The following ABCC8 variants were observed in gnomAD, a reference collection of about 807,000 sequenced individuals.
ABCC8 encodes ATP-binding cassette sub-family C member 8.
ABCC8 carries 137 observed loss-of-function variants against 188.0 expected under a neutral mutation model. The observed-to-expected ratio is 0.73, with a 90% CI of 0.63 to 0.84. The LOEUF is 0.84. Ranked by LOEUF, ABCC8 falls within the 40% of genes least tolerant of loss-of-function variation. ABCC8 has a pLI of 0.00. For synonymous variants in ABCC8, 797 were observed against 846.5 expected (o/e 0.94, Z 1.01); for missense variants, 1,750 against 2,072.7 (o/e 0.84, Z 3.02).
chr11:17,467,681 G>C (rs1848248352), intron 3 of ABCC8, among the ~76,000 whole-genome samples: 1 of 152,158 alleles, frequency 6.6e-6, no homozygotes, highest in Non-Finnish European at 1.5e-5. Context: ...CTTTCTGTGG[G>C]ACTCCATACC....
chr11:17,474,846 G>A, intron 2 of ABCC8, 40 bp downstream of exon 2: 1 of 1,603,798 alleles, frequency 6.2e-7, no homozygotes, highest in Non-Finnish European at 8.5e-7. Context: ...AAGTACCCTG[G>A]AGCAGATTCA....
chr11:17,454,137 G>C (rs924416312), intron 6 of ABCC8, among the ~76,000 whole-genome samples: 1 of 152,142 alleles, frequency 6.6e-6, no homozygotes, highest in Non-Finnish European at 1.5e-5. Flanking sequence ...GGGTGTGGGA[G>C]CTGCTGCAGG....
rs764067373 is a variant in ABCC8 at position 17,435,984 on chromosome 11, C to T, written c.1631-3740G>A. 2.5e-4 allele frequency: 392 copies of T among 1,575,906 alleles called. 1 individual carries two copies. Among genetic ancestry groups the T allele is most frequent in the Non-Finnish European group, 3.2e-4 (366 of 1,147,428 alleles). On this transcript the variant is annotated intron_variant, in intron 10 of 38. Transcript: ENST00000389817. The stretch of plus-strand genomic sequence containing the variant: ...CAGTGCCACGGTGGCAGATGGACAT[C>T]GCCATGGGAAGAGACCAACTGTAGA...
At chr11:17,414,025 C>G (rs1442024045) in intron 19 of ABCC8, among the ~76,000 whole-genome samples, 5 of 152,186 alleles carry the variant, frequency 3.3e-5, no homozygotes, top group Non-Finnish European at 7.3e-5. Flanking sequence ...GCCTTGGGAC[C>G]TTTCTGAAAC....
Position 17,394,433 on chromosome 11 carries a change from A to G in ABCC8, c.4412-34T>C, listed in dbSNP as rs757081558. The stretch of plus-strand genomic sequence containing the variant: ...AGCCCGGGGAGATGAAGTAGGACTG[A>G]GTTAATCTTGTGCTGTGAGTGGAGC... On this transcript the variant is annotated intron_variant, in intron 36 of 38. Coordinates refer to ENST00000389817, the MANE Select transcript of ABCC8 (RefSeq NM_000352.6). 9.3e-6 allele frequency: 15 copies of G among 1,613,866 alleles called. No individual in the cohort carries two copies. In the Admixed American group the frequency reaches 1.8e-4, roughly 20 times the overall value.
chr11:17,462,912 G>A (rs953311699), intron 4 of ABCC8, among the ~76,000 whole-genome samples: 6 of 152,238 alleles, frequency 3.9e-5, no homozygotes, highest in African/African-American at 1.4e-4. Flanking sequence ...GACACATATG[G>A]TATTATACTA....
chr11:17,461,519 G>A, intron 5 of ABCC8, 64 bp downstream of exon 5: 8 of 1,601,416 alleles, frequency 5.0e-6, no homozygotes, highest in Non-Finnish European at 6.0e-6. Flanking sequence ...GCCCTTTGAG[G>A]TCCCTCTCTG....
chr11:17,395,398 G>C lies in ABCC8; in HGVS notation c.4308-123C>G, dbSNP rs1419691301. 3 of 1,527,994 alleles carry C rather than the reference G, an allele frequency of 2.0e-6. No homozygotes were observed. The Admixed American group carries it at 5.9e-5, about 30-fold the overall frequency. 94.7% of individuals were successfully genotyped at this position (1,527,994 alleles called of 1,614,324 possible). ...GAGGTCTGGCTGGGAGAAGCACCGA[G>C]GTGGTGGCAGTGGGTGGGGGACAGC... On this transcript the variant is annotated intron_variant, in intron 35 of 38. Transcript: ENST00000389817.
chr11:17,470,234 G>A lies in ABCC8; in HGVS notation c.291-12C>T, dbSNP rs1412293204. ...GGGATTCGGTCACCCTGAGATGGGAGAGAGAAACAGACAGGATGGGGACAT... is the reference window on the plus strand; with the variant it reads ...GGGATTCGGTCACCCTGAGATGGGAAAGAGAAACAGACAGGATGGGGACAT... On this transcript the variant is annotated splice_polypyrimidine_tract_variant and intron_variant, in intron 2 of 38. Transcript: ENST00000389817. The A allele has an allele frequency of 3.1e-6, 5 of 1,614,082 alleles. No homozygotes were observed. Among genetic ancestry groups the A allele is most frequent in the Admixed American group, 1.7e-5 (1 of 60,026 alleles).
rs151203959 is a variant in ABCC8 at position 17,404,583 on chromosome 11, C to A, written c.3486G>T (p.Val1162=). ...CCAGGGGCAAGAGGGCCACGAGGAA[C>A]ACAGGTGTGACATAGGAGATGACGG... ...ALAVISYVTP[V]FLVALLPLAI... Residue 1162 remains valine (V), a synonymous_variant, in exon 28 of 39, where the codon GTG becomes GTT. Coordinates refer to ENST00000389817, the MANE Select transcript of ABCC8 (RefSeq NM_000352.6). The surrounding 1 kb of genome is among the most constrained non-coding windows in gnomAD (Gnocchi z 4.7). 2 of 1,613,942 alleles carry A rather than the reference C, an allele frequency of 1.2e-6. No homozygotes were observed. The highest frequency in any genetic ancestry group is 2.7e-5 in the African/African-American group (2 of 74,868).
chr11:17,405,724 T>C, intron 26 of ABCC8, 161 bp from the exon 27 acceptor site: 1 of 902,902 alleles, frequency 1.1e-6, no homozygotes, highest in Non-Finnish European at 1.3e-6. Flanking sequence ...CCCCGTGAAT[T>C]CCTGCAGCTG....
chr11:17,427,896 A>G lies in ABCC8; in HGVS notation c.2087T>C (p.Leu696Pro). 6.8e-6 allele frequency: 11 copies of G among 1,614,088 alleles called. No homozygotes were observed. The highest frequency in any genetic ancestry group is 9.3e-6 in the Non-Finnish European group (11 of 1,179,986). Residue 696 changes from leucine to proline, a missense_variant, in exon 15 of 39, where the codon CTG (leucine) becomes CCG (proline). Leu to Pro is a moderately conservative substitution (Grantham distance 98). Coordinates refer to ENST00000389817, the MANE Select transcript of ABCC8 (RefSeq NM_000352.6). This position sits in a 1 kb window ranked among gnomAD's most constrained non-coding sequence, Gnocchi z 5.0. ...FTWTPDGIPT[L>P]SNITIRIPRG... ...GGGGATACGAATGGTGATGTTGGAC[A>G]GTGTGGGGATTCCATCTGGGGTCCA...
intron 26 of ABCC8, 39 bp from the exon 27 acceptor site, chr11:17,405,602 T>C (rs1395871048): frequency 1.9e-6 from 3 of 1,613,994 alleles, no homozygotes; most frequent in Non-Finnish European, 2.5e-6. Context: ...CATTTGTCCA[T>C]TGATTTACTT....
chr11:17,394,830 T>A (rs1162933736), intron 36 of ABCC8, among the ~76,000 whole-genome samples: 2 of 151,938 alleles, frequency 1.3e-5, no homozygotes, highest in Non-Finnish European at 2.9e-5. Context: ...GTCCATCTTC[T>A]CCTCCCCTAA....
intron 29 of ABCC8, among the ~76,000 whole-genome samples, chr11:17,401,453 C>T (rs1954238407): frequency 6.6e-6 from 1 of 152,164 alleles, no homozygotes; most frequent in Non-Finnish European, 1.5e-5. Flanking sequence ...GCCCTAGGTG[C>T]TCCAGGGTGG....
intron 31 of ABCC8, 135 bp downstream of exon 31, chr11:17,397,549 C>A: frequency 1.4e-6 from 2 of 1,432,424 alleles, no homozygotes; most frequent in Non-Finnish European, 1.9e-6. Flanking sequence ...GCCTTCCTGC[C>A]CGCACTGTCC....
intron 10 of ABCC8, among the ~76,000 whole-genome samples, chr11:17,442,089 A>C (rs1054545747): frequency 7.5e-5 from 11 of 147,456 alleles, no homozygotes; most frequent in Non-Finnish European, 1.5e-4. Context: ...CAAAAAAAGA[A>C]AAAAAAGTTT....
At chr11:17,434,984 C>CGCGCGTGTGT (rs71457876) in intron 10 of ABCC8, among the ~76,000 whole-genome samples, 2,861 of 144,732 alleles carry the variant, frequency 0.02, 41 homozygotes, top group Middle Eastern at 0.075. Flanking sequence ...CGTGTGTTCG[C>CGCGCGTGTGT]GTGTGTGTGT....
In ABCC8 at chr11:17,432,512, C is replaced by T. The variant is rs1028569733; in HGVS notation, c.1631-268G>A. 9.2e-5 allele frequency among the ~76,000 whole-genome samples: 14 copies of T among 152,156 alleles called. No homozygotes were observed. The South Asian group carries it at 1.7e-3, about 18-fold the overall frequency. On this transcript the variant is annotated intron_variant, in intron 10 of 38. Transcript: ENST00000389817. ...TGTGGACAGGGTGAAGTTAGCCCCA[C>T]GGGAAAGTGGTGGGAGAAGGATGGG...
Sources: gnomAD v4.1 joint callset for allele counts (sites outside exome capture counted in the v4.1 genomes callset) on GRCh38, gnomAD v4.1.1 for gene constraint, Gnocchi (gnomAD v3.1) non-coding constraint, MANE v1.5 for transcripts, NCBI Gene and HGNC (gene_info 2026-07-23, HGNC 2026-07-21) for gene names.